The following OTOA variants were observed in gnomAD, a reference collection of about 807,000 sequenced individuals.
OTOA encodes the protein cancer/testis antigen 108.
OTOA carries 70 observed loss-of-function variants against 110.8 expected under a neutral mutation model. The observed-to-expected ratio is 0.63, with a 90% CI of 0.52 to 0.77. The LOEUF is 0.77. Among genes scored for constraint, OTOA ranks in the 30% least tolerant of loss-of-function variants. The pLI, the probability that OTOA is intolerant of heterozygous loss-of-function variation, is 0.00. For synonymous variants in OTOA, 373 were observed against 431.5 expected (o/e 0.86, Z 1.68); for missense variants, 917 against 1,075.8 (o/e 0.85, Z 2.06).
At chr16:21,757,615 CTAT>C (rs557683434) in intron 28 of OTOA, among the ~76,000 whole-genome samples, 28 of 149,966 alleles carry the variant, frequency 1.9e-4, no homozygotes, top group Admixed American at 1.6e-3. Context: ...TAATAATGAA[CTAT>C]TATTATTATT....
intron 18 of OTOA, among the ~76,000 whole-genome samples, chr16:21,724,551 A>G (rs770004378): frequency 6.6e-6 from 1 of 152,118 alleles, no homozygotes; most frequent in Non-Finnish European, 1.5e-5. Context: ...CAGAAAGATC[A>G]TAGCCACTAC....
chr16:21,759,730 G>A (rs562519304), intron 28 of OTOA, among the ~76,000 whole-genome samples: 19 of 152,032 alleles, frequency 1.2e-4, no homozygotes, highest in African/African-American at 2.2e-4. Flanking sequence ...GTGAAACCCC[G>A]TCTCTACTAA....
intron 20 of OTOA, 164 bp from the exon 21 acceptor site, chr16:21,730,673 C>T: frequency 1.7e-6 from 1 of 602,892 alleles, no homozygotes; most frequent in South Asian, 1.8e-5. Context: ...TCTGATTGGT[C>T]AGCCTGCATC....
intron 28 of OTOA, among the ~76,000 whole-genome samples, chr16:21,757,761 G>A (rs1305140705): frequency 6.6e-6 from 1 of 151,922 alleles, no homozygotes; most frequent in African/African-American, 2.4e-5. Flanking sequence ...AGGATCACAG[G>A]TGTGTGCCAC....
intron 6 of OTOA, chr16:21,684,376 G>A: frequency 7.0e-7 from 1 of 1,425,930 alleles, no homozygotes; most frequent in Non-Finnish European, 9.3e-7. Flanking sequence ...TTTCAGGAGA[G>A]GCTGATGGCT....
chr16:21,701,335 G>C (rs1030665408), intron 11 of OTOA, among the ~76,000 whole-genome samples: 2 of 152,218 alleles, frequency 1.3e-5, no homozygotes, highest in African/African-American at 4.8e-5. Context: ...ACTCAGGACT[G>C]GGTCCTGTTC....
intron 13 of OTOA, among the ~76,000 whole-genome samples, chr16:21,712,837 AT>A (rs1363454835): frequency 2.0e-5 from 3 of 151,820 alleles, no homozygotes; most frequent in African/African-American, 7.2e-5. Context: ...AAAGCTTTTG[AT>A]TCAGGTGGTA....
Position 21,751,322 on chromosome 16 carries a change from G to A in OTOA, c.2776-613G>A, listed in dbSNP as rs1471314687. 2.0e-4 allele frequency among the ~76,000 whole-genome samples: 3 copies of A among 15,226 alleles called. No individual in the cohort carries two copies. In the South Asian group the frequency reaches 5.2e-3, roughly 26 times the overall value. 10.0% of individuals were successfully genotyped at this position (15,226 alleles called of 152,430 possible). On this transcript the variant is annotated intron_variant, in intron 24 of 28. Transcript: ENST00000646100. ...GTGGGTGGATCACTTGAGGTCAGGA[G>A]TTTGATACCAGCCTGGGCAACATGG...
chr16:21,720,445 A>C (rs1009183151), intron 17 of OTOA, among the ~76,000 whole-genome samples: 1 of 152,242 alleles, frequency 6.6e-6, no homozygotes, highest in Admixed American at 6.5e-5. Flanking sequence ...ACCAGGAAGC[A>C]TAGAGTGCTT....
intron 8 of OTOA, among the ~76,000 whole-genome samples, chr16:21,690,691 T>C (rs1897811911): frequency 6.6e-6 from 1 of 152,146 alleles, no homozygotes; most frequent in Non-Finnish European, 1.5e-5. Context: ...GATTTATATA[T>C]TTTTGGGTAT....
At chr16:21,744,210 G>A (rs1899578671) in intron 23 of OTOA, among the ~76,000 whole-genome samples, 1 of 149,620 alleles carries the variant, frequency 6.7e-6, no homozygotes, top group African/African-American at 2.4e-5. Flanking sequence ...GAGTACAGTG[G>A]CACCATCTTG....
intron 12 of OTOA, 102 bp from the exon 13 acceptor site, chr16:21,709,786 G>A (rs183340958): frequency 2.2e-5 from 23 of 1,032,714 alleles, no homozygotes; most frequent in Admixed American, 3.6e-5. Flanking sequence ...ATGGAACAGG[G>A]TCAAGGGAGG....
chr16:21,684,687 G>T, intron 6 of OTOA: 1 of 475,026 alleles, frequency 2.1e-6, no homozygotes, highest in Non-Finnish European at 3.7e-6. Flanking sequence ...TTTTTCAAGA[G>T]AAGTTGGAAA....
At chr16:21,721,787 G>C (rs1338080923) in intron 17 of OTOA, among the ~76,000 whole-genome samples, 1 of 152,076 alleles carries the variant, frequency 6.6e-6, no homozygotes, top group Non-Finnish European at 1.5e-5. Context: ...AGCTACTTGG[G>C]AAACTGAGGC....
At position 21,684,758 on chromosome 16, in the gene OTOA, TA is replaced by T. The variant is rs1375765197; in HGVS notation, c.268-471del. Reference sequence around the variant, plus strand: ...TTATTATTATTATTATTATTATTATTATTATTATTTTTTAGGTGGAGTCTCG... The same window carrying T: ...TTATTATTATTATTATTATTATTATTTTATTATTTTTTAGGTGGAGTCTCG... On this transcript the variant is annotated intron_variant, in intron 6 of 28. Coordinates refer to ENST00000646100, the MANE Select transcript of OTOA (RefSeq NM_144672.4). Among the ~76,000 whole-genome samples, 238 of 71,210 alleles carry T rather than the reference TA, an allele frequency of 3.3e-3. 2 individuals are homozygous for T. The highest frequency in any genetic ancestry group is 9.2e-3 in the African/African-American group (221 of 24,088). The allele number at this position is 71,210 out of a possible 152,430, so 46.7% of individuals were successfully genotyped here. A position where few individuals can be genotyped will look rare whatever the true frequency, so the allele number is the denominator to read the frequency against.
chr16:21,704,946 C>G, intron 11 of OTOA: 1 of 796,696 alleles, frequency 1.3e-6, no homozygotes, highest in South Asian at 1.3e-5. Flanking sequence ...CATGTGGTGT[C>G]CACTTCATAA....
intron 6 of OTOA, among the ~76,000 whole-genome samples, chr16:21,683,310 T>G (rs1212936058): frequency 6.6e-6 from 1 of 152,220 alleles, no homozygotes; most frequent in Non-Finnish European, 1.5e-5. Context: ...ATCCTCGTAA[T>G]AACTCTATGT....
chr16:21,704,793 A>T (rs1898122182), intron 11 of OTOA, among the ~76,000 whole-genome samples: 1 of 151,866 alleles, frequency 6.6e-6, no homozygotes, highest in East Asian at 1.9e-4. Context: ...TGAGCTGGGG[A>T]CTGGGGCAGG....
intron 13 of OTOA, among the ~76,000 whole-genome samples, chr16:21,714,414 TCTTTCTTTC>T (rs1898477255): frequency 7.5e-6 from 1 of 133,310 alleles, no homozygotes; most frequent in Non-Finnish European, 1.7e-5. Context: ...TCTTTCTCTT[TCTTTCTTTC>T]CTTTCTTTCT....
Sources: allele counts gnomAD v4.1 joint callset (sites outside exome capture counted in the v4.1 genomes callset), GRCh38; gene constraint gnomAD v4.1.1; transcripts MANE v1.5; gene names NCBI Gene and HGNC (gene_info 2026-07-23, HGNC 2026-07-21).